ADGRD2: variants seen among roughly 807,000 people sequenced by gnomAD.
ADGRD2 encodes the protein adhesion G protein-coupled receptor D2.
A neutral mutation model predicts 44.4 loss-of-function variants in ADGRD2; 71 were observed. The ratio of observed to expected loss-of-function variants is 1.60; its 90% CI spans 1.32 to 1.95. ADGRD2 has a LOEUF of 1.95. Among genes scored for constraint, ADGRD2 ranks in the 30% most tolerant of loss-of-function variants. The pLI, the probability that ADGRD2 is intolerant of heterozygous loss-of-function variation, is 0.00. For synonymous variants in ADGRD2, 481 were observed against 224.8 expected (o/e 2.14, Z -10.19); for missense variants, 1,039 against 512.4 (o/e 2.03, Z -9.92).
intron 6 of ADGRD2, among the ~76,000 whole-genome samples, chr9:124,456,048 T>C (rs1831609891): frequency 6.6e-6 from 1 of 152,198 alleles, no homozygotes; most frequent in African/African-American, 2.4e-5. Flanking sequence ...TCCTGGGAAG[T>C]GTGCAAGCCC....
intron 12 of ADGRD2, 88 bp downstream of exon 15, chr9:124,467,912 C>G (rs1831859222): frequency 1.4e-6 from 1 of 707,698 alleles, no homozygotes; most frequent in Admixed American, 2.0e-5. Flanking sequence ...GGTGTCCATC[C>G]TTGGTCCCAG....
intron 17 of ADGRD2, among the ~76,000 whole-genome samples, chr9:124,472,998 CTT>C (rs986929733): frequency 6.6e-6 from 1 of 152,238 alleles, no homozygotes; most frequent in African/African-American, 2.4e-5. Flanking sequence ...ACATGACCCT[CTT>C]AGGCTCAGAG....
At chr9:124,456,667 G>A (rs1247028671) in exon 7 of ADGRD2, 2 of 717,052 alleles carry the variant, frequency 2.8e-6, no homozygotes, top group East Asian at 2.7e-5. Flanking sequence ...GCAGCGCCTG[G>A]CACCCCTGCT....
chr9:124,452,668 G>A (rs1218965756), exon 2 of ADGRD2: 9 of 717,330 alleles, frequency 1.3e-5, no homozygotes, highest in Middle Eastern at 4.6e-4. Flanking sequence ...ACGGCTGCGC[G>A]ATCCGGTCTG....
intron 11 of ADGRD2, chr9:124,466,742 C>T (rs963621378): frequency 2.3e-5 from 4 of 171,342 alleles, no homozygotes; most frequent in Non-Finnish European, 4.9e-5. Context: ...CCCAGGAAGT[C>T]GAGGCTGCAG....
intron 16 of ADGRD2, 123 bp from the exon 20 acceptor site, chr9:124,470,371 C>A: frequency 1.7e-6 from 1 of 600,958 alleles, no homozygotes; most frequent in Non-Finnish European, 3.0e-6. Flanking sequence ...TCCTGCTGAG[C>A]CATGGTCCCG....
chr9:124,453,745 C>T (rs1211573027), intron 3 of ADGRD2, 69 bp downstream of exon 6: 1 of 646,064 alleles, frequency 1.5e-6, no homozygotes, highest in Non-Finnish European at 2.8e-6. Context: ...TGGAACTCGA[C>T]CCACCCCTTG....
chr9:124,462,449 T>C (rs1831739336), intron 10 of ADGRD2, among the ~76,000 whole-genome samples: 2 of 152,328 alleles, frequency 1.3e-5, no homozygotes, highest in South Asian at 2.1e-4. Flanking sequence ...CATAAATGTC[T>C]ATAGAAAACC....
At chr9:124,470,432 G>T in intron 16 of ADGRD2, 62 bp from the exon 20 acceptor site, 1 of 680,854 alleles carries the variant, frequency 1.5e-6, no homozygotes, top group South Asian at 1.5e-5. Flanking sequence ...GCTCTCCCTG[G>T]AGCCCTGCGG....
At chr9:124,471,445 C>T (rs1247070784) in intron 17 of ADGRD2, among the ~76,000 whole-genome samples, 2 of 152,208 alleles carry the variant, frequency 1.3e-5, no homozygotes, top group Non-Finnish European at 2.9e-5. Context: ...GACCCTCCAT[C>T]TTTTCCTTGA....
At chr9:124,468,792 A>T (rs1476262973) in intron 14 of ADGRD2, 120 bp downstream of exon 17, 5 of 615,934 alleles carry the variant, frequency 8.1e-6, no homozygotes, top group Admixed American at 5.5e-5. Flanking sequence ...AGCATCCGGC[A>T]TTTAGCGTCA....
chr9:124,470,919 C>A (rs2131255954), intron 17 of ADGRD2, among the ~76,000 whole-genome samples: 1 of 152,336 alleles, frequency 6.6e-6, no homozygotes, highest in South Asian at 2.1e-4. Flanking sequence ...AAATTCCAGC[C>A]CCTTGGCCAG....
At position 124,453,235 on chromosome 9, in the gene ADGRD2, G is replaced by A. The variant is rs775570918; in HGVS notation, c.484G>A (p.Glu162Lys). The change falls in exon 3 of 22, where the codon GAG becomes AAG. Residue 162 changes from glutamate to lysine, a missense_variant. Physicochemically the swap from Glu to Lys is moderately conservative, Grantham distance 56 (BLOSUM62 1). Coordinates refer to ENST00000334810, the Ensembl canonical transcript of ADGRD2. The stretch of plus-strand genomic sequence containing the variant: ...CGCGCTGCAGCTGCGCGCCTTCGCC[G>A]AGCCGGGGGGCGTCGTGCGCGCTGC... 7.5e-4 allele frequency: 435 copies of A among 576,510 alleles called. 4 individuals are homozygous for A. Among genetic ancestry groups the A allele is most frequent in the Non-Finnish European group, 1.2e-3 (396 of 331,174 alleles). 35.7% of individuals were successfully genotyped at this position (576,510 alleles called of 1,614,324 possible).
chr9:124,474,534 G>A (rs1832010040), intron 17 of ADGRD2, among the ~76,000 whole-genome samples: 1 of 152,282 alleles, frequency 6.6e-6, no homozygotes, highest in Non-Finnish European at 1.5e-5. Context: ...CTCAGTTGGT[G>A]CCTGGACACC....
chr9:124,459,601 G>A (rs921028103), intron 10 of ADGRD2, among the ~76,000 whole-genome samples: 24 of 152,044 alleles, frequency 1.6e-4, no homozygotes, highest in African/African-American at 5.8e-4. Context: ...AGAAAAAATA[G>A]CATCTGTACT....
In ADGRD2 at chr9:124,468,240, C is replaced by A. The variant is rs1387428267; in HGVS notation, c.2233+50C>A. The A allele has an allele frequency of 5.6e-6, 4 of 716,882 alleles. No individual in the cohort carries two copies. In the Admixed American group the frequency reaches 6.0e-5, roughly 11 times the overall value. The allele number at this position is 716,882 out of a possible 1,614,324, so 44.4% of individuals were successfully genotyped here. On this transcript the variant is annotated intron_variant, in intron 13 of 21. Coordinates refer to ENST00000334810, the Ensembl canonical transcript of ADGRD2. ...AAGCCCGGGGAAGCCTGGGAAAGTG[C>A]CTGTGGGCTTTTCTAGGGTGACCCC...
intron 10 of ADGRD2, among the ~76,000 whole-genome samples, chr9:124,460,144 G>A (rs73590263): frequency 0.017 from 2,580 of 150,636 alleles, 80 homozygotes; most frequent in African/African-American, 0.057. Context: ...TGTATATATC[G>A]TCAGAATGGG....
rs754684847 is a variant in ADGRD2, at chr9:124,454,423, G to C, written c.1023-61G>C. 4.4e-6 allele frequency: 3 copies of C among 686,638 alleles called. No homozygotes were observed. In the East Asian group the frequency reaches 8.2e-5, roughly 19 times the overall value. 42.5% of individuals were successfully genotyped at this position (686,638 alleles called of 1,614,324 possible). A position where few individuals can be genotyped will look rare whatever the true frequency, so the allele number is the denominator to read the frequency against. On this transcript the variant is annotated intron_variant, in intron 4 of 21. Coordinates refer to ENST00000334810, the Ensembl canonical transcript of ADGRD2. The surrounding 1 kb of genome is among the most constrained non-coding windows in gnomAD (Gnocchi z 4.5). ...CGTGGTGGGTGGAGGTCACTGAACA[G>C]GCTGGCATCTCTGGGCAGGGGTATT... is the stretch of plus-strand genomic sequence containing the variant.
intron 11 of ADGRD2, chr9:124,467,391 C>A (rs1490195568): frequency 9.0e-6 from 2 of 221,276 alleles, no homozygotes; most frequent in Non-Finnish European, 1.8e-5. Context: ...TTTTCCACAT[C>A]ATGAGTATCA....
Sources: allele counts gnomAD v4.1 joint callset (sites outside exome capture counted in the v4.1 genomes callset), GRCh38; gene constraint gnomAD v4.1.1; non-coding constraint Gnocchi (gnomAD v3.1); transcripts MANE v1.5; gene names NCBI Gene and HGNC (gene_info 2026-07-23, HGNC 2026-07-21).